Variants in RNF220 observed in about 807,000 individuals in gnomAD.
RNF220 encodes ring finger protein 220.
Under a neutral mutation model 67.1 loss-of-function variants are expected in RNF220, and 7 were observed. The ratio of observed to expected loss-of-function variants is 0.10; its 90% CI spans 0.06 to 0.20. The LOEUF (loss-of-function observed/expected upper bound fraction) is 0.20, where lower values mean the gene tolerates loss of function less well. Ranked by LOEUF, RNF220 falls within the 10% of genes least tolerant of loss-of-function variation. RNF220 has a pLI of 1.00. For synonymous variants in RNF220, 270 were observed against 283.2 expected, an observed-to-expected ratio of 0.95 and a Z score of 0.47; for missense variants, 565 against 740.3, an observed-to-expected ratio of 0.76 and a Z score of 2.75.
At chr1:44,528,705 C>T (rs933706568) in intron 2 of RNF220, among the ~76,000 whole-genome samples, 5 of 151,790 alleles carry the variant, frequency 3.3e-5, no homozygotes, top group Admixed American at 2.6e-4. Flanking sequence ...ACCTCCACCT[C>T]CCAGGTTTAA....
intron 2 of RNF220, among the ~76,000 whole-genome samples, chr1:44,442,514 C>CT (rs10636964): frequency 0.66 from 84,742 of 127,490 alleles, 29,307 homozygotes; most frequent in South Asian, 0.82. Flanking sequence ...CACTCACACT[C>CT]TTTTTTTTTT....
At chr1:44,632,627 G>A (rs1644195283) in intron 6 of RNF220, 3 of 585,528 alleles carry the variant, frequency 5.1e-6, no homozygotes, top group African/African-American at 1.9e-5. Flanking sequence ...GAACCCTGGG[G>A]GGGCAATAAG....
intron 2 of RNF220, among the ~76,000 whole-genome samples, chr1:44,414,838 CT>C (rs1307900863): frequency 9.3e-5 from 14 of 150,114 alleles, no homozygotes; most frequent in African/African-American, 2.7e-4. Flanking sequence ...CTGTGTTCTC[CT>C]TTTTTTTTCT....
intron 2 of RNF220, among the ~76,000 whole-genome samples, chr1:44,506,211 G>C (rs1658408828): frequency 6.6e-6 from 1 of 152,242 alleles, no homozygotes; most frequent in Non-Finnish European, 1.5e-5. Context: ...GCATCACAGT[G>C]GTCAGAGAGG....
In RNF220 at chr1:44,622,714, G is replaced by T. The variant is rs1257591061; in HGVS notation, c.759-28G>T. ...CATGCCCTGGGCAGCAGGTAGAATG[G>T]TTACCCTGTTCTCTTCTTTCTTGGC... On this transcript the variant is annotated intron_variant, in intron 3 of 14. Coordinates refer to ENST00000361799, the MANE Select transcript of RNF220 (RefSeq NM_018150.4). This position sits in a 1 kb window ranked among gnomAD's most constrained non-coding sequence, Gnocchi z 4.3. 1 of 1,611,346 alleles carries T rather than the reference G, an allele frequency of 6.2e-7. No homozygotes were observed. The highest frequency in any genetic ancestry group is 8.5e-7 in the Non-Finnish European group (1 of 1,177,582).
chr1:44,638,981 T>C (rs1377049300), intron 8 of RNF220, among the ~76,000 whole-genome samples: 1 of 152,222 alleles, frequency 6.6e-6, no homozygotes, highest in Non-Finnish European at 1.5e-5. Context: ...GATTGTCCTT[T>C]CAGAACCATA....
At chr1:44,467,562 C>T (rs4625324) in intron 2 of RNF220, among the ~76,000 whole-genome samples, 46,697 of 152,080 alleles carry the variant, frequency 0.31, 7,357 homozygotes, top group Middle Eastern at 0.41. Flanking sequence ...CTTCATAGAA[C>T]TGAAGAGAGT....
intron 2 of RNF220, among the ~76,000 whole-genome samples, chr1:44,460,907 G>A (rs183065581): frequency 2.3e-4 from 35 of 152,282 alleles, no homozygotes; most frequent in Non-Finnish European, 5.0e-4. Context: ...GGGGTCTGCC[G>A]CTGCTGAGGG....
chr1:44,610,908 T>A (rs1394083444), intron 2 of RNF220, among the ~76,000 whole-genome samples: 1 of 152,146 alleles, frequency 6.6e-6, no homozygotes, highest in Non-Finnish European at 1.5e-5. Flanking sequence ...CCCCAGCGGT[T>A]TTTATGGCCC....
Position 44,565,663 on chromosome 1 carries a change from A to T in RNF220, c.626-48502A>T, listed in dbSNP as rs527965214. Reference sequence around the variant, plus strand: ...GGCTGGAAATCCAATCAGGAGTTCCACTTTAGTATTAGCCTGAGCTACCCA... The same window carrying T: ...GGCTGGAAATCCAATCAGGAGTTCCTCTTTAGTATTAGCCTGAGCTACCCA... On this transcript the variant is annotated intron_variant, in intron 2 of 14. Coordinates refer to ENST00000361799, the MANE Select transcript of RNF220 (RefSeq NM_018150.4). This position sits in a 1 kb window ranked among gnomAD's most constrained non-coding sequence, Gnocchi z 4.2. Among the ~76,000 whole-genome samples, 3 of 152,278 alleles carry T rather than the reference A, an allele frequency of 2.0e-5. No homozygotes were observed. The East Asian group carries it at 5.8e-4, about 29-fold the overall frequency.
intron 2 of RNF220, among the ~76,000 whole-genome samples, chr1:44,482,666 G>A (rs1655924617): frequency 6.6e-6 from 1 of 151,910 alleles, no homozygotes. Context: ...CTGTCACCCA[G>A]TCTGGAGTGC....
At chr1:44,447,055 C>T (rs1330598334) in intron 2 of RNF220, among the ~76,000 whole-genome samples, 1 of 152,160 alleles carries the variant, frequency 6.6e-6, no homozygotes, top group Non-Finnish European at 1.5e-5. Flanking sequence ...TAGTGATAAC[C>T]TTGATCTGCT....
chr1:44,635,482 G>A, intron 6 of RNF220, 63 bp from the exon 7 acceptor site: 4 of 1,585,586 alleles, frequency 2.5e-6, no homozygotes, highest in Non-Finnish European at 2.6e-6. Context: ...GCTCCACTGG[G>A]ACCCTGGGGG....
chr1:44,497,872 A>G (rs890478113), intron 2 of RNF220, among the ~76,000 whole-genome samples: 1 of 152,216 alleles, frequency 6.6e-6, no homozygotes, highest in African/African-American at 2.4e-5. Flanking sequence ...ATCTTTCTGC[A>G]AAGGTAATTA....
At chr1:44,407,773 A>G (rs1647531196) in intron 1 of RNF220, among the ~76,000 whole-genome samples, 1 of 152,136 alleles carries the variant, frequency 6.6e-6, no homozygotes, top group South Asian at 2.1e-4. Flanking sequence ...TATTTGCAGG[A>G]GAAGCGGGAG....
At chr1:44,478,880 G>A (rs546830919) in intron 2 of RNF220, among the ~76,000 whole-genome samples, 1 of 152,262 alleles carries the variant, frequency 6.6e-6, no homozygotes, top group South Asian at 2.1e-4. Context: ...TGTTCCCCGT[G>A]GCTGTTGGTG....
At chr1:44,584,348 C>G (rs1031363404) in intron 2 of RNF220, among the ~76,000 whole-genome samples, 7 of 152,232 alleles carry the variant, frequency 4.6e-5, no homozygotes, top group Admixed American at 6.5e-5. Flanking sequence ...CTGTCCAGAG[C>G]GTGGTTCATT....
intron 2 of RNF220, among the ~76,000 whole-genome samples, chr1:44,429,046 A>G (rs1413860082): frequency 4.6e-5 from 7 of 151,676 alleles, no homozygotes; most frequent in Non-Finnish European, 7.4e-5. Flanking sequence ...TTTCCCCAAA[A>G]CTGTCTTTTG....
chr1:44,449,913 A>G (rs956205361), intron 2 of RNF220, among the ~76,000 whole-genome samples: 7 of 152,208 alleles, frequency 4.6e-5, no homozygotes, highest in Non-Finnish European at 1.0e-4. Context: ...AGTATGTTTA[A>G]AAAAGAAAAA....
Sources: gnomAD v4.1 joint callset for allele counts (sites outside exome capture counted in the v4.1 genomes callset) on GRCh38, gnomAD v4.1.1 for gene constraint, Gnocchi (gnomAD v3.1) non-coding constraint, MANE v1.5 for transcripts, NCBI Gene and HGNC (gene_info 2026-07-23, HGNC 2026-07-21) for gene names.